CYP3A4: variants seen among roughly 807,000 people sequenced by gnomAD.
CYP3A4 encodes the protein cytochrome P450 3A4.
A neutral mutation model predicts 54.9 loss-of-function variants in CYP3A4; 41 were observed. The observed-to-expected ratio is 0.75, with a 90% CI of 0.58 to 0.97. The LOEUF (loss-of-function observed/expected upper bound fraction) is 0.97, where lower values mean the gene tolerates loss of function less well. Ranked by LOEUF, CYP3A4 falls within the 50% of genes least tolerant of loss-of-function variation. CYP3A4 has a pLI of 0.00. For missense variants in CYP3A4, 510 were observed against 597.3 expected, an observed-to-expected ratio of 0.85 and a Z score of 1.52; for synonymous variants, 179 against 205.2, an observed-to-expected ratio of 0.87 and a Z score of 1.09.
At chr7:99,770,468 G>T (rs1298907635) in intron 4 of CYP3A4, among the ~76,000 whole-genome samples, 3 of 152,272 alleles carry the variant, frequency 2.0e-5, no homozygotes, top group Non-Finnish European at 2.9e-5. Flanking sequence ...AGACCCTGAT[G>T]TCGTCTCCAG....
rs1256858657 is a variant in CYP3A4, at chr7:99,760,831, A to C, written c.1404T>G (p.Cys468Trp). 1 of 1,613,846 alleles carries C rather than the reference A, an allele frequency of 6.2e-7. No individual in the cohort carries two copies. The highest frequency in any genetic ancestry group is 8.5e-7 in the Non-Finnish European group (1 of 1,179,908). Residue 468 changes from cysteine to tryptophan, a missense_variant, in exon 12 of 13, where the codon TGT (cysteine) becomes TGG (tryptophan). Physicochemically the swap from Cys to Trp is radical, Grantham distance 215. Around this residue, in one of 2 missense-constraint regions of CYP3A4, gnomAD observed 238 missense variants for 322.5 expected, o/e 0.74. Transcript: ENST00000651514. Reference sequence around the variant, plus strand: ...AAAATTGACTAACCTGTGTTTCTTTACAAGGTTTGAAGGAGAAGTTCTGAA... The same window carrying C: ...AAAATTGACTAACCTGTGTTTCTTTCCAAGGTTTGAAGGAGAAGTTCTGAA... ...RVLQNFSFKP[C>W]KETQIPLKLS...
intron 3 of CYP3A4, among the ~76,000 whole-genome samples, chr7:99,775,872 C>T (rs1815757574): frequency 6.6e-6 from 1 of 152,182 alleles, no homozygotes; most frequent in African/African-American, 2.4e-5. Flanking sequence ...AGCTTCTACA[C>T]AGCAAAAGAA....
At chr7:99,767,960 G>A (rs1815516993) in intron 7 of CYP3A4, among the ~76,000 whole-genome samples, 3 of 152,080 alleles carry the variant, frequency 2.0e-5, no homozygotes, top group Admixed American at 1.3e-4. Context: ...AAACGAAGAA[G>A]GGCAAACTAA....
intron 10 of CYP3A4, 126 bp downstream of exon 10, chr7:99,763,729 C>T (rs1815401124): frequency 3.1e-6 from 4 of 1,298,536 alleles, no homozygotes; most frequent in South Asian, 1.5e-5. Flanking sequence ...TCAGAGCCTT[C>T]CTACATAGAG....
At position 99,779,928 on chromosome 7, in the gene CYP3A4, C is replaced by T. The variant is rs568260757; in HGVS notation, c.165+64G>A. 1.3e-4 allele frequency: 187 copies of T among 1,478,040 alleles called. 4 individuals are homozygous for T. In the South Asian group the frequency reaches 1.6e-3, roughly 13 times the overall value. The allele number at this position is 1,478,040 out of a possible 1,614,324, so 91.6% of individuals were successfully genotyped here. A position where few individuals can be genotyped will look rare whatever the true frequency, so the allele number is the denominator to read the frequency against. ...TTCCCCCTGAGGAGAAGCATTTTTA[C>T]TGATGGAACTAAGCTGCTCTTGGCA... On this transcript the variant is annotated intron_variant, in intron 2 of 12. Coordinates refer to ENST00000651514, the MANE Select transcript of CYP3A4 (RefSeq NM_017460.6).
Position 99,760,866 on chromosome 7 carries a change from T to C in CYP3A4, c.1369A>G (p.Ile457Val), listed in dbSNP as rs769363328. ...FALMNMKLAL[I>V]RVLQNFSFKP... ...AAGGAGAAGTTCTGAAGGACTCTGA[T>C]TAGAGCAAGTTTCATGTTCATGAGA... Residue 457 changes from isoleucine (I) to valine (V), a missense_variant, in exon 12 of 13, where the codon ATC (isoleucine) becomes GTC (valine). Physicochemically the swap from Ile to Val is conservative, Grantham distance 29. Around this residue, in one of 2 missense-constraint regions of CYP3A4, gnomAD observed 238 missense variants for 322.5 expected, o/e 0.74. Transcript: ENST00000651514. 6 of 1,614,032 alleles carry C rather than the reference T, an allele frequency of 3.7e-6. No homozygotes were observed. The highest frequency in any genetic ancestry group is 3.3e-5 in the Admixed American group (2 of 60,008).
At chr7:99,760,777 G>T (rs773227916) in intron 12 of CYP3A4, 42 bp downstream of exon 12, 1 of 1,599,778 alleles carries the variant, frequency 6.3e-7, no homozygotes, top group Non-Finnish European at 8.5e-7. Context: ...TCAGTTAAAA[G>T]AATTATTAAT....
intron 7 of CYP3A4, 87 bp downstream of exon 7, chr7:99,768,267 G>A: frequency 7.4e-7 from 1 of 1,353,004 alleles, no homozygotes; most frequent in Non-Finnish European, 1.0e-6. Context: ...TATTTTAAGT[G>A]GATGAATTAC....
Position 99,762,187 on chromosome 7 carries a change from A to G in CYP3A4, c.1107T>C (p.Ile369=), listed in dbSNP as rs1252947429. Residue 369 remains isoleucine (I), a synonymous_variant, in exon 11 of 13, where the codon ATT becomes ATC. Transcript: ENST00000651514. ...TGCAGACCCTCTCAAGTCTCATAGC[A>G]ATTGGGAATAATCTGAGCGTTTCAT... The part of the protein sequence containing the change: ...VVNETLRLFP[I]AMRLERVCKK... 6.2e-7 allele frequency: 1 copy of G among 1,614,092 alleles called. No individual in the cohort carries two copies. Among genetic ancestry groups the G allele is most frequent in the Non-Finnish European group, 8.5e-7 (1 of 1,180,000 alleles).
At chr7:99,772,480 G>T (rs1205354125) in intron 4 of CYP3A4, 110 bp downstream of exon 4, 14 of 1,362,522 alleles carry the variant, frequency 1.0e-5, no homozygotes, top group Non-Finnish European at 1.3e-5. Context: ...GGATGAAGTG[G>T]ACGTGGAACC....
At chr7:99,761,784 C>CACTGATGACCCATAAGGACATA (rs780068420) in intron 11 of CYP3A4, among the ~76,000 whole-genome samples, 1 of 152,034 alleles carries the variant, frequency 6.6e-6, no homozygotes, top group Non-Finnish European at 1.5e-5. Flanking sequence ...ACATTTTGGA[C>CACTGATGACCCATAAGGACATA]ACTGATGACC....
At chr7:99,777,128 T>C (rs995962939) in intron 3 of CYP3A4, among the ~76,000 whole-genome samples, 5 of 152,146 alleles carry the variant, frequency 3.3e-5, no homozygotes, top group African/African-American at 1.2e-4. Context: ...AAATCCAAAG[T>C]CTAAATGAAA....
chr7:99,760,623 A>G (rs1365869628), intron 12 of CYP3A4, among the ~76,000 whole-genome samples, 196 bp downstream of exon 12: 1 of 152,234 alleles, frequency 6.6e-6, no homozygotes, highest in African/African-American at 2.4e-5. Context: ...TGGGCTTTAC[A>G]TGATGTTTTT....
At chr7:99,782,071 A>C (rs929493496) in intron 1 of CYP3A4, among the ~76,000 whole-genome samples, 15 of 152,188 alleles carry the variant, frequency 9.9e-5, no homozygotes, top group African/African-American at 2.2e-4. Context: ...CCATCTACCA[A>C]AACCAGGGTG....
At chr7:99,779,688 A>T (rs1408761336) in intron 2 of CYP3A4, among the ~76,000 whole-genome samples, 1 of 152,184 alleles carries the variant, frequency 6.6e-6, no homozygotes, top group Non-Finnish European at 1.5e-5. Context: ...CTTCCTGGGA[A>T]CCTGCATAGA....
chr7:99,781,816 G>T (rs185242252), intron 1 of CYP3A4, among the ~76,000 whole-genome samples: 2 of 152,194 alleles, frequency 1.3e-5, no homozygotes, highest in African/African-American at 4.8e-5. Flanking sequence ...TTCCACATAA[G>T]TAAACATAAA....
At chr7:99,761,913 A>C (rs1815343134) in intron 11 of CYP3A4, 128 bp downstream of exon 11, 7 of 905,044 alleles carry the variant, frequency 7.7e-6, no homozygotes, top group Middle Eastern at 2.9e-4. Flanking sequence ...ATGATTAAAA[A>C]AATCTCTAAA....
At chr7:99,762,381 A>T in intron 10 of CYP3A4, 114 bp from the exon 11 acceptor site, 1 of 1,356,378 alleles carries the variant, frequency 7.4e-7, no homozygotes, top group Non-Finnish European at 1.0e-6. Context: ...ATACTGGTAA[A>T]GGATCGAAGC....
Position 99,783,675 on chromosome 7 carries a change from C to T in CYP3A4, c.71+336G>A, listed in dbSNP as rs1815984733. ...CCAGGCTGAAGTGCACTGGCATGAT[C>T]TCAGCTCACTGCAACCTCCGCCTGC... On this transcript the variant is annotated intron_variant, in intron 1 of 12. Transcript: ENST00000651514. Among the ~76,000 whole-genome samples the T allele has an allele frequency of 2.3e-5, 3 of 131,444 alleles. No homozygotes were observed. In the South Asian group the frequency reaches 7.5e-4, roughly 33 times the overall value. 86.2% of individuals were successfully genotyped at this position (131,444 alleles called of 152,430 possible).
Sources: gnomAD v4.1 joint callset for allele counts (sites outside exome capture counted in the v4.1 genomes callset) on GRCh38, gnomAD v4.1.1 for gene constraint, gnomAD v4.1.1 regional missense constraint, MANE v1.5 for transcripts, NCBI Gene and HGNC (gene_info 2026-07-23, HGNC 2026-07-21) for gene names.